The following PAMR1 variants were observed in gnomAD, a reference collection of about 807,000 sequenced individuals.
PAMR1 encodes the protein peptidase domain containing associated with muscle regeneration 1, also known as inactive serine protease PAMR1.
PAMR1 carries 88 observed loss-of-function variants against 81.8 expected under a neutral mutation model. That is an observed-to-expected ratio of 1.08 (90% CI 0.91 to 1.28). The LOEUF (loss-of-function observed/expected upper bound fraction) is 1.28, where lower values mean the gene tolerates loss of function less well. Ranked by LOEUF, PAMR1 falls within the 50% of genes most tolerant of loss-of-function variation. The probability of loss-of-function intolerance (pLI) is 0.00; values close to 1 mark genes in which losing one functional copy is unlikely to be tolerated. For missense variants in PAMR1, 935 were observed against 919.7 expected (o/e 1.02, Z -0.21); for synonymous variants, 336 against 345.3 (o/e 0.97, Z 0.30).
At chr11:35,434,188 T>A (rs1378349796) in intron 10 of PAMR1, among the ~76,000 whole-genome samples, 1 of 152,160 alleles carries the variant, frequency 6.6e-6, no homozygotes, top group East Asian at 1.9e-4. Flanking sequence ...AATTTGTTAA[T>A]TTATGACATA....
Position 35,468,064 on chromosome 11 carries a change from C to T in PAMR1, c.757G>A (p.Asp253Asn). Residue 253 changes from aspartate (D) to asparagine (N), a missense_variant, in exon 6 of 11, where the codon GAC (aspartate) becomes AAC (asparagine). By Grantham distance (23) the Asp-to-Asn change is conservative. Transcript: ENST00000619888. ...GCACACTTGTAAGATCCAGCCTTGT[C>T]AAGGACGCACGTGCCGTCATGGAAA... ...PCFHDGTCVL[D>N]KAGSYKCACL... The T allele has an allele frequency of 1.3e-6, 2 of 1,559,646 alleles. No individual in the cohort carries two copies. The highest frequency in any genetic ancestry group is 1.4e-5 in the African/African-American group (1 of 73,834).
chr11:35,454,348 C>A (rs923321462), intron 6 of PAMR1, among the ~76,000 whole-genome samples: 3 of 152,178 alleles, frequency 2.0e-5, no homozygotes, highest in African/African-American at 7.2e-5. Context: ...CCAGGGTTGC[C>A]TGTAGGCAAT....
intron 6 of PAMR1, among the ~76,000 whole-genome samples, chr11:35,462,609 C>T (rs1289750566): frequency 6.6e-6 from 1 of 152,140 alleles, no homozygotes; most frequent in East Asian, 1.9e-4. Context: ...TTACTTTCTG[C>T]CATACTTTTA....
chr11:35,514,660 G>C (rs1319323333), intron 1 of PAMR1, among the ~76,000 whole-genome samples: 1 of 152,270 alleles, frequency 6.6e-6, no homozygotes, highest in East Asian at 1.9e-4. Flanking sequence ...ATTAGCATTG[G>C]TTACTGAATA....
chr11:35,516,387 A>G (rs1410180750), intron 1 of PAMR1, among the ~76,000 whole-genome samples: 1 of 152,216 alleles, frequency 6.6e-6, no homozygotes, highest in Non-Finnish European at 1.5e-5. Flanking sequence ...AGAAATCTGT[A>G]TCAAAGATGA....
intron 6 of PAMR1, among the ~76,000 whole-genome samples, chr11:35,454,082 A>T (rs1017342516): frequency 1.1e-4 from 16 of 152,176 alleles, no homozygotes; most frequent in Admixed American, 6.5e-5. Context: ...TTCTCATGTA[A>T]ACTGTCATGT....
intron 1 of PAMR1, among the ~76,000 whole-genome samples, chr11:35,518,584 T>A (rs992180417): frequency 6.9e-6 from 1 of 144,908 alleles, no homozygotes; most frequent in Non-Finnish European, 1.5e-5. Flanking sequence ...CAACTTGAGG[T>A]GATCAGAGAA....
At chr11:35,486,266 C>A (rs761704627) in intron 3 of PAMR1, among the ~76,000 whole-genome samples, 1 of 152,162 alleles carries the variant, frequency 6.6e-6, no homozygotes, top group Non-Finnish European at 1.5e-5. Flanking sequence ...ACAAGCATAA[C>A]GTAATTGAAC....
At chr11:35,497,874 G>A (rs968927674) in intron 1 of PAMR1, among the ~76,000 whole-genome samples, 2 of 151,868 alleles carry the variant, frequency 1.3e-5, no homozygotes, top group African/African-American at 4.8e-5. Context: ...TATATATATA[G>A]CTTCTTTTTA....
chr11:35,470,624 T>A lies in PAMR1; in HGVS notation c.689A>T (p.His230Leu). The A allele has an allele frequency of 6.2e-7, 1 of 1,614,154 alleles. No individual in the cohort carries two copies. The highest frequency in any genetic ancestry group is 8.5e-7 in the Non-Finnish European group (1 of 1,180,000). The change falls in exon 5 of 11, where the codon CAT (histidine) becomes CTT (leucine). Residue 230 changes from histidine to leucine, a missense_variant. Transcript: ENST00000619888. ...SDGSKNFDGFHAIYEEITACS... is the reference protein window; with the variant it reads ...SDGSKNFDGFLAIYEEITACS... ...ACCTGTGATCTCCTCATAAATGGCATGGAAACCGTCAAAATTCTTGGAGCC... is the reference window on the plus strand; with the variant it reads ...ACCTGTGATCTCCTCATAAATGGCAAGGAAACCGTCAAAATTCTTGGAGCC...
Position 35,500,337 on chromosome 11 carries a change from G to A in PAMR1, c.74-6065C>T, listed in dbSNP as rs181843082. On this transcript the variant is annotated intron_variant, in intron 1 of 10. Coordinates refer to ENST00000619888, the MANE Select transcript of PAMR1 (RefSeq NM_001001991.3). ...ACTGAGCACAATGCCAAGAGCAAGG[G>A]TGAATCGATGAACTCATTCTTTTGT... Among the ~76,000 whole-genome samples the A allele has an allele frequency of 2.0e-3, 305 of 152,286 alleles. 4 individuals are homozygous for A. The highest frequency in any genetic ancestry group is 7.1e-3 in the African/African-American group (296 of 41,550).
At chr11:35,433,360 A>C (rs1855952874) in intron 10 of PAMR1, among the ~76,000 whole-genome samples, 1 of 152,240 alleles carries the variant, frequency 6.6e-6, no homozygotes, top group South Asian at 2.1e-4. Context: ...GTCCACTGTA[A>C]ACATTTCATT....
At chr11:35,513,338 G>C (rs1344094581) in intron 1 of PAMR1, 4 of 152,160 alleles carry the variant, frequency 2.6e-5, no homozygotes, top group Admixed American at 6.5e-5. Context: ...TTATAGATGA[G>C]AAAACTGAGG....
chr11:35,492,252 C>T (rs191983523), intron 2 of PAMR1, 79 bp from the exon 3 acceptor site: 2 of 1,487,812 alleles, frequency 1.3e-6, no homozygotes. Flanking sequence ...CACAACTGCA[C>T]CTTCTCAGGG....
chr11:35,485,288 AAG>A (rs1346531266), intron 3 of PAMR1, among the ~76,000 whole-genome samples: 1 of 152,156 alleles, frequency 6.6e-6, no homozygotes, highest in African/African-American at 2.4e-5. Flanking sequence ...AGTGCAGAAA[AAG>A]AGAGAGAGAG....
At position 35,434,650 on chromosome 11, in the gene PAMR1, C is replaced by T. The variant is rs977188614; in HGVS notation, c.1488G>A (p.Glu496=). The T allele has an allele frequency of 8.7e-6, 14 of 1,614,092 alleles. No homozygotes were observed. Among genetic ancestry groups the T allele is most frequent in the Non-Finnish European group, 1.1e-5 (13 of 1,180,052 alleles). The change falls in exon 10 of 11, where the codon GAG becomes GAA. Residue 496 remains glutamate (E), a synonymous_variant. Transcript: ENST00000619888. ...AGTGGGCAGCCACCACCACAGTGCG[C>T]TCATTCACCAGGGCACCGCTGCAGA... The part of the protein sequence containing the change: ...FLVCSGALVN[E]RTVVVAAHCV...
At chr11:35,437,629 C>T (rs145753961) in intron 8 of PAMR1, among the ~76,000 whole-genome samples, 1 of 152,370 alleles carries the variant, frequency 6.6e-6, no homozygotes, top group Non-Finnish European at 1.5e-5. Context: ...ACTTCAGCTG[C>T]CTGTCTTCCC....
At chr11:35,497,626 C>T (rs1850751208) in intron 1 of PAMR1, among the ~76,000 whole-genome samples, 1 of 152,168 alleles carries the variant, frequency 6.6e-6, no homozygotes, top group African/African-American at 2.4e-5. Context: ...TTTAATTACC[C>T]CTTAGCTCTC....
chr11:35,474,647 C>T lies in PAMR1; in HGVS notation c.477G>A (p.Gly159=). 1.3e-6 allele frequency: 2 copies of T among 1,599,992 alleles called. No individual in the cohort carries two copies. The change falls in exon 4 of 11, where the codon GGG becomes GGA. Residue 159 remains glycine (G), a synonymous_variant. Coordinates refer to ENST00000619888, the MANE Select transcript of PAMR1 (RefSeq NM_001001991.3). ...CTCCTTACCTTAGTTGGATGACAAA[C>T]CCAGGTTTAGCATGAATGGTCCATT... The part of the protein sequence containing the change: ...HCEWTIHAKP[G]FVIQLRFVML...
Sources: gnomAD v4.1 joint callset for allele counts (sites outside exome capture counted in the v4.1 genomes callset) on GRCh38, gnomAD v4.1.1 for gene constraint, MANE v1.5 for transcripts, NCBI Gene and HGNC (gene_info 2026-07-23, HGNC 2026-07-21) for gene names.